The following RASGRF2 variants were observed in gnomAD, a reference collection of about 807,000 sequenced individuals.
RASGRF2 encodes the protein Ras protein specific guanine nucleotide releasing factor 2.
Under a neutral mutation model 151.0 loss-of-function variants are expected in RASGRF2, and 76 were observed. The ratio of observed to expected loss-of-function variants is 0.50; its 90% CI spans 0.42 to 0.61. RASGRF2 has a LOEUF of 0.61. Ranked by LOEUF, RASGRF2 falls within the 20% of genes least tolerant of loss-of-function variation. The pLI, the probability that RASGRF2 is intolerant of heterozygous loss-of-function variation, is 0.00. For synonymous variants in RASGRF2, 504 were observed against 566.5 expected (o/e 0.89, Z 1.57); for missense variants, 1,148 against 1,564.6 (o/e 0.73, Z 4.49).
intron 19 of RASGRF2, chr5:81,203,938 T>G (rs1755450107): frequency 6.6e-6 from 1 of 152,234 alleles, no homozygotes; most frequent in Non-Finnish European, 1.5e-5. Flanking sequence ...CTTAGTCAAC[T>G]CAACTTTCTT....
intron 2 of RASGRF2, 131 bp downstream of exon 2, chr5:81,043,114 A>G (rs1750730508): frequency 1.7e-6 from 1 of 603,732 alleles, no homozygotes; most frequent in East Asian, 2.8e-5. Flanking sequence ...TTCCTTAGTC[A>G]TGTGTGAGAT....
chr5:81,030,354 G>A (rs535003990), intron 1 of RASGRF2, among the ~76,000 whole-genome samples: 1 of 152,098 alleles, frequency 6.6e-6, no homozygotes, highest in Non-Finnish European at 1.5e-5. Flanking sequence ...ATTACCAGAT[G>A]CACCAAAGTT....
At chr5:81,191,010 C>T (rs1755143455) in intron 18 of RASGRF2, among the ~76,000 whole-genome samples, 1 of 152,104 alleles carries the variant, frequency 6.6e-6, no homozygotes, top group Non-Finnish European at 1.5e-5. Flanking sequence ...AATTTGTCTC[C>T]CCACTCTTGT....
At chr5:80,969,104 C>T (rs1747817847) in intron 1 of RASGRF2, among the ~76,000 whole-genome samples, 1 of 149,162 alleles carries the variant, frequency 6.7e-6, no homozygotes, top group Non-Finnish European at 1.5e-5. Context: ...TTACCCAGCT[C>T]CTCCAGCTGT....
rs748360693 is a variant in RASGRF2 at position 81,004,715 on chromosome 5, A to G, written c.289-38162A>G. On this transcript the variant is annotated intron_variant, in intron 1 of 26. Coordinates refer to ENST00000265080, the MANE Select transcript of RASGRF2 (RefSeq NM_006909.3). ...TAAGGTGGTCATTCCATCAGTTGAA[A>G]TGGCTCTGGAGAATTTATCATTTTG... 2.0e-5 allele frequency among the ~76,000 whole-genome samples: 3 copies of G among 152,216 alleles called. No homozygotes were observed. The South Asian group carries it at 6.2e-4, about 32-fold the overall frequency.
intron 1 of RASGRF2, among the ~76,000 whole-genome samples, chr5:81,032,113 C>A (rs1750276291): frequency 6.6e-6 from 1 of 152,150 alleles, no homozygotes; most frequent in African/African-American, 2.4e-5. Flanking sequence ...AAGTGGAATC[C>A]CTGAATAGAC....
chr5:81,130,414 G>A (rs779815975), intron 17 of RASGRF2, among the ~76,000 whole-genome samples: 5 of 152,144 alleles, frequency 3.3e-5, no homozygotes, highest in Admixed American at 6.6e-5. Context: ...GGCTAGTGGC[G>A]GTAAGAAAGG....
At chr5:81,029,462 G>T (rs564652549) in intron 1 of RASGRF2, among the ~76,000 whole-genome samples, 10 of 152,270 alleles carry the variant, frequency 6.6e-5, no homozygotes, top group African/African-American at 2.2e-4. Context: ...CCACAGGAAG[G>T]ATCAGGCAGC....
chr5:81,017,907 G>A (rs1749689921), intron 1 of RASGRF2, among the ~76,000 whole-genome samples: 1 of 152,106 alleles, frequency 6.6e-6, no homozygotes, highest in Non-Finnish European at 1.5e-5. Flanking sequence ...AGACCAGCCT[G>A]GCCAACATGG....
chr5:81,168,222 TCC>T (rs1754557595), intron 17 of RASGRF2, among the ~76,000 whole-genome samples: 1 of 150,964 alleles, frequency 6.6e-6, no homozygotes, highest in Non-Finnish European at 1.5e-5. Flanking sequence ...AGAACTGTTC[TCC>T]TGCAGTTACC....
At chr5:81,171,598 T>C (rs1308523301) in intron 17 of RASGRF2, among the ~76,000 whole-genome samples, 1 of 152,118 alleles carries the variant, frequency 6.6e-6, no homozygotes, top group Admixed American at 6.6e-5. Flanking sequence ...TAACCATTTC[T>C]AGAGCATTTG....
intron 4 of RASGRF2, among the ~76,000 whole-genome samples, chr5:81,071,580 A>G (rs149141846): frequency 3.9e-5 from 6 of 152,316 alleles, no homozygotes; most frequent in African/African-American, 7.2e-5. Flanking sequence ...AATGATTCTT[A>G]GGACTAGTCA....
intron 17 of RASGRF2, among the ~76,000 whole-genome samples, chr5:81,145,914 C>T (rs1433700838): frequency 6.6e-6 from 1 of 152,186 alleles, no homozygotes; most frequent in Admixed American, 6.5e-5. Context: ...CAGGTGGTAT[C>T]ACAGTAGCCA....
intron 1 of RASGRF2, among the ~76,000 whole-genome samples, chr5:80,987,541 T>C (rs1480749137): frequency 6.6e-6 from 1 of 152,182 alleles, no homozygotes; most frequent in Non-Finnish European, 1.5e-5. Context: ...ACGTCACTTA[T>C]TTACTCTGCT....
rs148205061 is a variant in RASGRF2, at chr5:81,094,317, A to G, written c.1573A>G (p.Ile525Val). ...CCAGACAGGTGGGGTTCTGTCTCTA[A>G]TAGACTGCACATTGATTGAGGAGCC... ...LLKTGGVLSLIDCTLIEEPDA... is the reference protein window; with the variant it reads ...LLKTGGVLSLVDCTLIEEPDA... The change falls in exon 11 of 27, where the codon ATA becomes GTA. Residue 525 changes from isoleucine (I) to valine (V), a missense_variant. This residue lies in a region of RASGRF2 where 646 missense variants were observed against 807.4 expected (regional missense o/e 0.80). Coordinates refer to ENST00000265080, the MANE Select transcript of RASGRF2 (RefSeq NM_006909.3). 6.2e-7 allele frequency: 1 copy of G among 1,613,558 alleles called. No individual in the cohort carries two copies.
chr5:81,149,172 G>A (rs980767001), intron 17 of RASGRF2, among the ~76,000 whole-genome samples: 1 of 152,116 alleles, frequency 6.6e-6, no homozygotes, highest in African/African-American at 2.4e-5. Context: ...AAAGACACAC[G>A]ATCATGCATG....
chr5:81,113,906 G>T lies in RASGRF2; in HGVS notation c.2456G>T (p.Arg819Leu). ...GTGGATCTGTGTAACAAGCTAAAAC[G>T]AAGTATTCAAAAAGGTATTATCTAG... ...PRVDLCNKLK[R>L]SIQKAVLESA... is the part of the protein sequence containing the mutation. Residue 819 changes from arginine to leucine, a missense_variant, in exon 15 of 27, where the codon CGA becomes CTA. Transcript: ENST00000265080. 6.2e-7 allele frequency: 1 copy of T among 1,611,620 alleles called. No individual in the cohort carries two copies. Among genetic ancestry groups the T allele is most frequent in the Non-Finnish European group, 8.5e-7 (1 of 1,179,124 alleles).
chr5:81,087,584 A>T (rs1028067350), intron 9 of RASGRF2: 21 of 560,592 alleles, frequency 3.7e-5, no homozygotes, highest in Admixed American at 6.2e-5. Flanking sequence ...TTTGTGCCGG[A>T]AACTGTGGAG....
At chr5:81,037,577 C>A (rs1001658222) in intron 1 of RASGRF2, among the ~76,000 whole-genome samples, 1 of 151,908 alleles carries the variant, frequency 6.6e-6, no homozygotes, top group Non-Finnish European at 1.5e-5. Context: ...TGTTAAGATA[C>A]AAATATAAAG....
Sources: allele counts gnomAD v4.1 joint callset (sites outside exome capture counted in the v4.1 genomes callset), GRCh38; gene constraint gnomAD v4.1.1; regional missense constraint gnomAD v4.1.1; transcripts MANE v1.5; gene names NCBI Gene and HGNC (gene_info 2026-07-23, HGNC 2026-07-21).